PDE8A: variants seen among roughly 807,000 people sequenced by gnomAD.
The protein encoded by PDE8A is phosphodiesterase 8A.
A neutral mutation model predicts 105.0 loss-of-function variants in PDE8A; 59 were observed. That is an observed-to-expected ratio of 0.56 (90% CI 0.46 to 0.70). The LOEUF (loss-of-function observed/expected upper bound fraction) is 0.70, where lower values mean the gene tolerates loss of function less well. Ranked by LOEUF, PDE8A falls within the 30% of genes least tolerant of loss-of-function variation. The pLI is 0.00. For synonymous variants in PDE8A, 355 were observed against 371.9 expected (o/e 0.95, Z 0.52); for missense variants, 1,014 against 1,045.9 (o/e 0.97, Z 0.42).
At position 85,083,450 on chromosome 15, in the gene PDE8A, T is replaced by C. The variant is rs1220762411; in HGVS notation, c.547-106T>C. On this transcript the variant is annotated intron_variant, in intron 5 of 21. Transcript: ENST00000394553. ...TCATCATTAATGATAAAGTATTTTT[T>C]AGATTTCAGTTGCCAAGTTGAGAAG... The C allele has an allele frequency of 2.6e-5, 17 of 663,574 alleles. No homozygotes were observed. The Middle Eastern group carries it at 7.4e-4, about 29-fold the overall frequency. 41.1% of individuals were successfully genotyped at this position (663,574 alleles called of 1,614,324 possible).
chr15:85,067,240 G>T (rs755186025), intron 3 of PDE8A, 36 bp downstream of exon 3: 1 of 1,474,550 alleles, frequency 6.8e-7, no homozygotes, highest in Non-Finnish European at 9.3e-7. Flanking sequence ...AGTCCCATTG[G>T]CCTTTCTGAC....
In PDE8A at chr15:85,067,215, G is replaced by C; in HGVS notation, c.434+11G>C. ...AGAGGCACTGTGCAGGTAAGCCCAA[G>C]ACTCGGGCCTAAATAGTCCCATTGG... On this transcript the variant is annotated intron_variant, in intron 3 of 21. Transcript: ENST00000394553. 6.2e-7 allele frequency: 1 copy of C among 1,605,998 alleles called. No homozygotes were observed. The highest frequency in any genetic ancestry group is 8.5e-7 in the Non-Finnish European group (1 of 1,175,386).
At chr15:85,074,841 A>G (rs149818893) in intron 3 of PDE8A, among the ~76,000 whole-genome samples, 11 of 152,352 alleles carry the variant, frequency 7.2e-5, no homozygotes, top group African/African-American at 2.2e-4. Context: ...AAGCAAATGC[A>G]GTCAGTCTTG....
chr15:85,045,161 G>C (rs1408844604), intron 1 of PDE8A, among the ~76,000 whole-genome samples: 1 of 152,146 alleles, frequency 6.6e-6, no homozygotes, highest in Non-Finnish European at 1.5e-5. Flanking sequence ...CCTCAGAGGG[G>C]CCTTCCTTGA....
At position 85,137,949 on chromosome 15, in the gene PDE8A, T is replaced by G. The variant is rs1021343120; in HGVS notation, c.*46T>G. On this transcript the variant is annotated 3_prime_UTR_variant, in exon 22 of 22. Transcript: ENST00000394553. ...CCTGAAGCTTTGTTCCTTCGGTCAT[T>G]TGGAATTCCTGAGGGCAGCCAGAGC... 4.9e-6 allele frequency: 6 copies of G among 1,230,238 alleles called. No homozygotes were observed. The highest frequency in any genetic ancestry group is 3.0e-5 in the African/African-American group (2 of 67,324). 76.2% of individuals were successfully genotyped at this position (1,230,238 alleles called of 1,614,324 possible). A position where few individuals can be genotyped will look rare whatever the true frequency, so the allele number is the denominator to read the frequency against.
intron 1 of PDE8A, among the ~76,000 whole-genome samples, chr15:85,003,874 G>A (rs1042400134): frequency 3.3e-5 from 5 of 152,218 alleles, no homozygotes; most frequent in African/African-American, 1.2e-4. Flanking sequence ...CAGGGACTAA[G>A]GCTCCTTCTA....
intron 8 of PDE8A, among the ~76,000 whole-genome samples, chr15:85,094,771 C>T (rs1049942763): frequency 7.2e-5 from 11 of 152,246 alleles, no homozygotes; most frequent in African/African-American, 2.2e-4. Flanking sequence ...TTGCTCAGGG[C>T]CTTCTTCCCA....
chr15:85,092,308 C>T (rs1039279381), intron 8 of PDE8A, among the ~76,000 whole-genome samples: 11 of 150,212 alleles, frequency 7.3e-5, no homozygotes, highest in Admixed American at 7.2e-4. Flanking sequence ...ACTTTTCTGT[C>T]AAGGATTTTT....
At chr15:85,056,126 G>A (rs1010522313) in intron 1 of PDE8A, among the ~76,000 whole-genome samples, 1 of 152,140 alleles carries the variant, frequency 6.6e-6, no homozygotes, top group Admixed American at 6.5e-5. Context: ...TAAGAATGTT[G>A]AATATTGGCC....
At chr15:85,123,272 T>C (rs1393441726) in intron 19 of PDE8A, 79 bp downstream of exon 19, 12 of 1,417,802 alleles carry the variant, frequency 8.5e-6, no homozygotes, top group Admixed American at 1.7e-5. Context: ...TGGGCTATGA[T>C]ATCAGCCACA....
chr15:85,002,081 G>A (rs191548787), intron 1 of PDE8A, among the ~76,000 whole-genome samples: 2 of 152,000 alleles, frequency 1.3e-5, no homozygotes, highest in Admixed American at 1.3e-4. Flanking sequence ...TCCCACACAC[G>A]TAAAGCAGCT....
intron 11 of PDE8A, among the ~76,000 whole-genome samples, chr15:85,102,669 G>A (rs62019508): frequency 0.011 from 1,734 of 151,652 alleles, 14 homozygotes; most frequent in Non-Finnish European, 0.02. Flanking sequence ...GAGAAACCTC[G>A]TCTCTACTAA....
Position 84,982,368 on chromosome 15 carries a change from CTG to C in PDE8A, c.186+21_186+22del, listed in dbSNP as rs957420656. 2 of 1,293,072 alleles carry C rather than the reference CTG, an allele frequency of 1.5e-6. No homozygotes were observed. Among genetic ancestry groups the C allele is most frequent in the African/African-American group, 3.1e-5 (2 of 64,722 alleles). 80.1% of individuals were successfully genotyped at this position (1,293,072 alleles called of 1,614,324 possible). On this transcript the variant is annotated intron_variant, in intron 1 of 21. Transcript: ENST00000394553. ...AAGAAGGTAAGGGGCGCCGGGCACT[CTG>C]GGGCCGCCGCGAAACTCGGGCCCGG...
intron 1 of PDE8A, among the ~76,000 whole-genome samples, chr15:85,057,911 C>A (rs1284076793): frequency 6.6e-6 from 1 of 152,050 alleles, no homozygotes; most frequent in Non-Finnish European, 1.5e-5. Flanking sequence ...GGTGTATAAT[C>A]CTTTTATTAT....
chr15:84,984,761 T>TA (rs1360887978), intron 1 of PDE8A, among the ~76,000 whole-genome samples: 2 of 152,202 alleles, frequency 1.3e-5, no homozygotes, highest in Non-Finnish European at 2.9e-5. Context: ...TTTTGGGAAA[T>TA]ACAGGTTGAA....
chr15:85,093,510 T>G (rs1362177555), intron 8 of PDE8A, among the ~76,000 whole-genome samples: 4 of 152,192 alleles, frequency 2.6e-5, no homozygotes, highest in Non-Finnish European at 5.9e-5. Flanking sequence ...AATGGCCAGA[T>G]GGCTAGGAGT....
rs116619817 is a variant in PDE8A, at chr15:85,047,200, A to G, written c.187-17170A>G. ...ATATTAATGTGAAAAATAAATTATT[A>G]TTAAGAGGGCTGTGACCTGAAACCT... is the stretch of plus-strand genomic sequence containing the variant. On this transcript the variant is annotated intron_variant, in intron 1 of 21. Coordinates refer to ENST00000394553, the MANE Select transcript of PDE8A (RefSeq NM_002605.3). 6.6e-3 allele frequency among the ~76,000 whole-genome samples: 1,001 copies of G among 152,366 alleles called. 18 individuals carry two copies. Among genetic ancestry groups the G allele is most frequent in the African/African-American group, 0.023 (968 of 41,588 alleles).
rs749882306 is a variant in PDE8A at position 85,064,349 on chromosome 15, A to T, written c.187-21A>T. On this transcript the variant is annotated intron_variant, in intron 1 of 21. Transcript: ENST00000394553. ...CTTTCTCCGTTGTCTTTTCATTTTT[A>T]AGCCAATCTCTTTCTTACAGGTAGC... The T allele has an allele frequency of 4.4e-6, 7 of 1,582,604 alleles. No individual in the cohort carries two copies. The East Asian group carries it at 1.6e-4, about 35-fold the overall frequency.
At chr15:85,001,921 T>C (rs998587870) in intron 1 of PDE8A, among the ~76,000 whole-genome samples, 44 of 152,210 alleles carry the variant, frequency 2.9e-4, no homozygotes, top group Non-Finnish European at 4.7e-4. Flanking sequence ...GTTAATCTTA[T>C]GACAATCCAG....
Sources: gnomAD v4.1 joint callset for allele counts (sites outside exome capture counted in the v4.1 genomes callset) on GRCh38, gnomAD v4.1.1 for gene constraint, MANE v1.5 for transcripts, NCBI Gene and HGNC (gene_info 2026-07-23, HGNC 2026-07-21) for gene names.